The following HECTD4 variants were observed in gnomAD, a reference collection of about 807,000 sequenced individuals.
HECTD4 encodes the protein HECT domain E3 ubiquitin protein ligase 4, also known as probable E3 ubiquitin-protein ligase HECTD4.
HECTD4 carries 114 observed loss-of-function variants against 471.5 expected under a neutral mutation model. That is an observed-to-expected ratio of 0.24 (90% CI 0.21 to 0.28). The LOEUF (loss-of-function observed/expected upper bound fraction) is 0.28, where lower values mean the gene tolerates loss of function less well. HECTD4 is among the 10% of genes least tolerant of loss of function. The probability of loss-of-function intolerance (pLI) is 1.00; values close to 1 mark genes in which losing one functional copy is unlikely to be tolerated. For missense variants in HECTD4, 3,866 were observed against 5,651.5 expected, an observed-to-expected ratio of 0.68 and a Z score of 10.13; for synonymous variants, 2,012 against 2,256.0, an observed-to-expected ratio of 0.89 and a Z score of 3.07.
chr12:112,170,380 T>C lies in HECTD4; in HGVS notation c.12005A>G (p.Asp4002Gly). The change falls in exon 69 of 76, where the codon GAC becomes GGC. Residue 4002 changes from aspartate to glycine, a missense_variant. By Grantham distance (94) the Asp-to-Gly change is moderately conservative. Coordinates refer to ENST00000682272, the MANE Select transcript of HECTD4 (RefSeq NM_001388303.1). ...VLNATVQRTA[D>G]HAAPEITLDP... ...CAAGGTGATCTCAGGGGCCGCGTGG[T>C]CCGCTGTCCTCTGCACAGTGGCATT... 1 of 1,614,010 alleles carries C rather than the reference T, an allele frequency of 6.2e-7. No individual in the cohort carries two copies. The highest frequency in any genetic ancestry group is 8.5e-7 in the Non-Finnish European group (1 of 1,179,910).
rs1321691972 is a variant in HECTD4 at position 112,331,380 on chromosome 12, T to C, written c.178-11638A>G. On this transcript the variant is annotated intron_variant, in intron 1 of 75. Coordinates refer to ENST00000682272, the MANE Select transcript of HECTD4 (RefSeq NM_001388303.1). Reference sequence around the variant, plus strand: ...GCCACCACACCTTGTCCAGCATCAGTTTTTAAAGCCCACAGGTGAATCCAA... The same window carrying C: ...GCCACCACACCTTGTCCAGCATCAGCTTTTAAAGCCCACAGGTGAATCCAA... 2.6e-5 allele frequency among the ~76,000 whole-genome samples: 4 copies of C among 152,210 alleles called. No individual in the cohort carries two copies. The East Asian group carries it at 7.7e-4, about 29-fold the overall frequency.
Position 112,185,366 on chromosome 12 carries a change from TGAG to T in HECTD4, c.9597_9599del (p.Ser3200del), listed in dbSNP as rs1340941056. 6.2e-7 allele frequency: 1 copy of T among 1,609,610 alleles called. No homozygotes were observed. Among genetic ancestry groups the T allele is most frequent in the Non-Finnish European group, 8.5e-7 (1 of 1,178,440 alleles). On this transcript the variant is annotated inframe_deletion, in exon 61 of 76. Transcript: ENST00000682272. Reference sequence around the variant, plus strand: ...GGCAGGGGTTCAGCTGGAGGGCGATTGAGGAGGACAGGCCAGCGGGGTGCCGCC... The same window carrying T: ...GGCAGGGGTTCAGCTGGAGGGCGATTGAGGACAGGCCAGCGGGGTGCCGCC...
At chr12:112,361,464 G>C (rs532774669) in intron 1 of HECTD4, among the ~76,000 whole-genome samples, 1 of 151,906 alleles carries the variant, frequency 6.6e-6, no homozygotes, top group Non-Finnish European at 1.5e-5. Flanking sequence ...TGTAGAGATA[G>C]GGTCTCACTA....
intron 2 of HECTD4, 113 bp from the exon 3 acceptor site, chr12:112,314,659 C>T (rs2035442999): frequency 1.5e-6 from 1 of 669,312 alleles, no homozygotes; most frequent in Non-Finnish European, 2.7e-6. Context: ...TGTCTCTCTG[C>T]TTCTGCTGGT....
chr12:112,190,836 T>C lies in HECTD4; in HGVS notation c.9422A>G (p.Glu3141Gly). 1 of 1,588,148 alleles carries C rather than the reference T, an allele frequency of 6.3e-7. No homozygotes were observed. Among genetic ancestry groups the C allele is most frequent in the Non-Finnish European group, 8.6e-7 (1 of 1,167,352 alleles). ...GACGGATGTCGGAATGGTGTCAGGC[T>C]CATCTTCGGACTTCCCTTCACTGTC... is the stretch of plus-strand genomic sequence containing the variant. The part of the protein sequence containing the change: ...SEDSEGKSED[E>G]PDTIPTSVLL... The change falls in exon 60 of 76, where the codon GAG becomes GGG. Residue 3141 changes from glutamate to glycine, a missense_variant. By Grantham distance (98) the Glu-to-Gly change is moderately conservative. Around this residue, in one of 16 missense-constraint regions of HECTD4, gnomAD observed 364 missense variants for 413.2 expected, o/e 0.88. Transcript: ENST00000682272.
intron 53 of HECTD4, 64 bp from the exon 54 acceptor site, chr12:112,203,836 T>C: frequency 9.4e-7 from 1 of 1,068,218 alleles, no homozygotes; most frequent in Non-Finnish European, 1.3e-6. Flanking sequence ...TTCTTACATT[T>C]AGCATCTAAA....
rs367828286 is a variant in HECTD4, at chr12:112,193,673, G to T, written c.8751C>A (p.Asp2917Glu). ...SNQLLAPPLP[D>E]GTISSSSILL... is the part of the protein sequence containing the mutation. The stretch of plus-strand genomic sequence containing the variant: ...GGATCGAGCTGGAGCTGATGGTGCC[G>T]TCTGGGGACGGAAAGGAAACAGAAG... Residue 2917 changes from aspartate (D) to glutamate (E), a missense_variant and splice_region_variant, in exon 57 of 76, where the codon GAC becomes GAA. Physicochemically the swap from Asp to Glu is conservative, Grantham distance 45. Coordinates refer to ENST00000682272, the MANE Select transcript of HECTD4 (RefSeq NM_001388303.1). This position sits in a 1 kb window ranked among gnomAD's most constrained non-coding sequence, Gnocchi z 5.2. The T allele has an allele frequency of 5.2e-5, 83 of 1,609,740 alleles. No individual in the cohort carries two copies. Among genetic ancestry groups the T allele is most frequent in the Non-Finnish European group, 7.0e-5 (83 of 1,178,078 alleles).
chr12:112,326,379 G>C (rs939141695), intron 1 of HECTD4, among the ~76,000 whole-genome samples: 3 of 152,132 alleles, frequency 2.0e-5, no homozygotes, highest in African/African-American at 7.2e-5. Context: ...TATAGTCCCA[G>C]CTACCTAAAA....
intron 6 of HECTD4, among the ~76,000 whole-genome samples, 180 bp downstream of exon 6, chr12:112,308,573 T>TG (rs2035314503): frequency 2.6e-5 from 4 of 151,854 alleles, no homozygotes; most frequent in Admixed American, 1.3e-4. Context: ...ATTCACTCAG[T>TG]TCATATGGGA....
chr12:112,352,320 C>A (rs554224261), intron 1 of HECTD4, among the ~76,000 whole-genome samples: 1 of 150,836 alleles, frequency 6.6e-6, no homozygotes, highest in Admixed American at 6.6e-5. Flanking sequence ...CTTAGAATAT[C>A]TGTGGATGGA....
At chr12:112,220,162 T>C (rs566712490) in intron 44 of HECTD4, among the ~76,000 whole-genome samples, 4 of 152,290 alleles carry the variant, frequency 2.6e-5, no homozygotes, top group African/African-American at 9.6e-5. Flanking sequence ...AGGCATTCAA[T>C]AAATGTGTTG....
chr12:112,170,951 G>C (rs991629184), intron 68 of HECTD4, 166 bp downstream of exon 68: 2 of 561,030 alleles, frequency 3.6e-6, no homozygotes, highest in Admixed American at 3.5e-5. Flanking sequence ...CTTCCCTTGG[G>C]TGGGCCTGTT....
chr12:112,162,943 T>G lies in HECTD4; in HGVS notation c.13120+99A>C. The stretch of plus-strand genomic sequence containing the variant: ...TGAGTTTTGGCACGTGGGGCTCCTG[T>G]TCATTGTTCTCCCTTCACATGGGGC... On this transcript the variant is annotated intron_variant, in intron 75 of 75. Transcript: ENST00000682272. This position sits in a 1 kb window ranked among gnomAD's most constrained non-coding sequence, Gnocchi z 5.2. The G allele has an allele frequency of 1.0e-6, 1 of 989,460 alleles. No homozygotes were observed. Among genetic ancestry groups the G allele is most frequent in the Non-Finnish European group, 1.5e-6 (1 of 653,418 alleles). The allele number at this position is 989,460 out of a possible 1,614,324, so 61.3% of individuals were successfully genotyped here.
At position 112,274,833 on chromosome 12, in the gene HECTD4, A is replaced by G. The variant is rs1166307564; in HGVS notation, c.1801+14T>C. ...TTGAAATTTTCCAAAGATATGTGCAAGTTTATTTCTTACCCAATCCTGGTA... is the reference window on the plus strand; with the variant it reads ...TTGAAATTTTCCAAAGATATGTGCAGGTTTATTTCTTACCCAATCCTGGTA... On this transcript the variant is annotated intron_variant, in intron 10 of 75. Transcript: ENST00000682272. 3 of 1,490,598 alleles carry G rather than the reference A, an allele frequency of 2.0e-6. No homozygotes were observed. In the African/African-American group the frequency reaches 4.2e-5, roughly 21 times the overall value. The allele number at this position is 1,490,598 out of a possible 1,614,324, so 92.3% of individuals were successfully genotyped here.
chr12:112,324,333 TAGTCTTGA>T (rs1400878207), intron 1 of HECTD4, among the ~76,000 whole-genome samples: 1 of 151,338 alleles, frequency 6.6e-6, no homozygotes, highest in Non-Finnish European at 1.5e-5. Context: ...TTGCCCAGGC[TAGTCTTGA>T]ACTCCAGAGC....
Position 112,178,979 on chromosome 12 carries a change from G to C in HECTD4, c.11315C>G (p.Pro3772Arg). The change falls in exon 64 of 76, where the codon CCT (proline) becomes CGT (arginine). Residue 3772 changes from proline to arginine, a missense_variant. Around this residue, in one of 16 missense-constraint regions of HECTD4, gnomAD observed 715 missense variants for 1,087.6 expected, o/e 0.66. Coordinates refer to ENST00000682272, the MANE Select transcript of HECTD4 (RefSeq NM_001388303.1). The stretch of plus-strand genomic sequence containing the variant: ...GTCCTTGGCGGGCGGCTTGGTGATA[G>C]GCCGCTTGGTGCTCACCACCTTCAC... ...HPVKVVSTKR[P>R]ITKPPAKDKA... 2.5e-6 allele frequency: 4 copies of C among 1,612,944 alleles called. No homozygotes were observed. The highest frequency in any genetic ancestry group is 3.4e-6 in the Non-Finnish European group (4 of 1,179,660).
intron 62 of HECTD4, among the ~76,000 whole-genome samples, chr12:112,182,856 G>A (rs2031728295): frequency 6.6e-6 from 1 of 152,238 alleles, no homozygotes; most frequent in Non-Finnish European, 1.5e-5. Context: ...AAACAATGGA[G>A]CCTCTTGTGC....
At chr12:112,234,510 T>C (rs1162322457) in intron 37 of HECTD4, among the ~76,000 whole-genome samples, 1 of 152,236 alleles carries the variant, frequency 6.6e-6, no homozygotes, top group African/African-American at 2.4e-5. Context: ...TCCCCTGTGC[T>C]ATGTGGCAAG....
chr12:112,307,156 T>C (rs959007079), intron 6 of HECTD4, among the ~76,000 whole-genome samples: 4 of 152,166 alleles, frequency 2.6e-5, no homozygotes, highest in African/African-American at 9.7e-5. Flanking sequence ...GTGAGAACAA[T>C]GTTCAATTTC....
Sources: allele counts gnomAD v4.1 joint callset (sites outside exome capture counted in the v4.1 genomes callset), GRCh38; gene constraint gnomAD v4.1.1; regional missense constraint gnomAD v4.1.1; non-coding constraint Gnocchi (gnomAD v3.1); transcripts MANE v1.5; gene names NCBI Gene and HGNC (gene_info 2026-07-23, HGNC 2026-07-21).